The following MAGI2 variants were observed in gnomAD, a reference collection of about 807,000 sequenced individuals.
The protein encoded by MAGI2 is membrane associated guanylate kinase, WW and PDZ domain containing 2.
Under a neutral mutation model 133.3 loss-of-function variants are expected in MAGI2, and 35 were observed. The ratio of observed to expected loss-of-function variants is 0.26; its 90% CI spans 0.20 to 0.35. MAGI2 has a LOEUF of 0.35. Among genes scored for constraint, MAGI2 ranks in the 10% least tolerant of loss-of-function variants. The pLI, the probability that MAGI2 is intolerant of heterozygous loss-of-function variation, is 1.00. For synonymous variants in MAGI2, 729 were observed against 710.6 expected (o/e 1.03, Z -0.41); for missense variants, 1,636 against 1,863.4 (o/e 0.88, Z 2.25).
intron 3 of MAGI2, among the ~76,000 whole-genome samples, chr7:78,606,972 C>T (rs1225852904): frequency 6.6e-6 from 1 of 152,094 alleles, no homozygotes; most frequent in Non-Finnish European, 1.5e-5. Context: ...CTAAATGTAA[C>T]TCAAATTTTC....
chr7:79,263,728 AT>A (rs2129556635), intron 1 of MAGI2, among the ~76,000 whole-genome samples: 1 of 152,308 alleles, frequency 6.6e-6, no homozygotes, highest in Admixed American at 6.5e-5. Context: ...CCCAAGAAAA[AT>A]ATATGCTGCT....
At chr7:79,186,776 T>TATATATATAC (rs1554399274) in intron 1 of MAGI2, among the ~76,000 whole-genome samples, 2 of 98,168 alleles carry the variant, frequency 2.0e-5, no homozygotes, top group Admixed American at 2.3e-4. Flanking sequence ...TATATATATA[T>TATATATATAC]ACACACACAC....
intron 1 of MAGI2, among the ~76,000 whole-genome samples, chr7:79,230,362 G>A (rs911066723): frequency 6.6e-5 from 10 of 151,950 alleles, no homozygotes; most frequent in East Asian, 1.9e-4. Context: ...CTGAGGAATC[G>A]CCACACCGAC....
At chr7:78,512,822 G>C (rs1795719368) in intron 4 of MAGI2, among the ~76,000 whole-genome samples, 1 of 152,122 alleles carries the variant, frequency 6.6e-6, no homozygotes, top group African/African-American at 2.4e-5. Context: ...AGTACTAAAA[G>C]AACAATATGG....
rs139898827 is a variant in MAGI2, at chr7:78,636,904, A to T, written c.419-9665T>A. ...GTTAAAGCACAGATAGCTGGTTCTC[A>T]CTCCCCAGAGTCTCTGAGTCACCCT... On this transcript the variant is annotated intron_variant, in intron 2 of 21. Coordinates refer to ENST00000354212, the MANE Select transcript of MAGI2 (RefSeq NM_012301.4). Among the ~76,000 whole-genome samples, 784 of 152,234 alleles carry T rather than the reference A, an allele frequency of 5.1e-3. 4 individuals carry two copies. The highest frequency in any genetic ancestry group is 9.3e-3 in the Non-Finnish European group (635 of 67,998).
At chr7:79,034,669 C>T (rs935830097) in intron 1 of MAGI2, among the ~76,000 whole-genome samples, 1 of 152,048 alleles carries the variant, frequency 6.6e-6, no homozygotes, top group Admixed American at 6.6e-5. Flanking sequence ...AATCTTCACT[C>T]CCAGCTGCCT....
chr7:79,269,294 A>T (rs886748649), intron 1 of MAGI2, among the ~76,000 whole-genome samples: 1 of 152,148 alleles, frequency 6.6e-6, no homozygotes, highest in Non-Finnish European at 1.5e-5. Flanking sequence ...ATAAAAGAGC[A>T]ATAAGTAACA....
rs532301716 is a variant in MAGI2 at position 78,560,151 on chromosome 7, GAAGAA to G, written c.539-38511_539-38507del. On this transcript the variant is annotated intron_variant, in intron 3 of 21. Transcript: ENST00000354212. ...AAGTTGAGAAAAAATTTACTGAGAGGAAGAAAGGAAAATGAAGATCCACATTAATA... is the reference window on the plus strand; with the variant it reads ...AAGTTGAGAAAAAATTTACTGAGAGGAGGAAAATGAAGATCCACATTAATA... Among the ~76,000 whole-genome samples the G allele has an allele frequency of 2.3e-3, 349 of 152,218 alleles. 1 individual carries two copies. The highest frequency in any genetic ancestry group is 3.4e-3 in the Middle Eastern group (1 of 294).
At chr7:79,089,164 A>G (rs1438759517) in intron 1 of MAGI2, among the ~76,000 whole-genome samples, 2 of 152,190 alleles carry the variant, frequency 1.3e-5, no homozygotes, top group African/African-American at 2.4e-5. Context: ...GACACTTCTC[A>G]GAAGACGACA....
chr7:78,561,531 T>G (rs904030114), intron 3 of MAGI2, among the ~76,000 whole-genome samples: 8 of 152,004 alleles, frequency 5.3e-5, no homozygotes, highest in Non-Finnish European at 1.2e-4. Context: ...TAATTGTGGT[T>G]TTTGCAATTA....
chr7:78,781,380 CAA>C (rs748533885), intron 2 of MAGI2, among the ~76,000 whole-genome samples: 91 of 100,976 alleles, frequency 9.0e-4, no homozygotes, highest in Admixed American at 1.4e-3. Context: ...CTCCGTCTCA[CAA>C]AAAAAAAAAA....
At chr7:78,695,667 GACAA>G (rs576592594) in intron 2 of MAGI2, among the ~76,000 whole-genome samples, 48 of 152,176 alleles carry the variant, frequency 3.2e-4, no homozygotes, top group African/African-American at 7.2e-4. Flanking sequence ...ATTTAAAAAA[GACAA>G]ACAAACAAAA....
chr7:79,327,077 G>A (rs1326664672), intron 1 of MAGI2, among the ~76,000 whole-genome samples: 1 of 152,118 alleles, frequency 6.6e-6, no homozygotes, highest in East Asian at 1.9e-4. Context: ...TGCAGACTCT[G>A]GAGCCATACT....
intron 1 of MAGI2, among the ~76,000 whole-genome samples, chr7:79,329,527 A>G (rs763612464): frequency 2.6e-5 from 4 of 152,264 alleles, no homozygotes. Flanking sequence ...ACTATTGATT[A>G]TAAAGATGGC....
chr7:79,377,729 A>T (rs762810667), intron 1 of MAGI2, among the ~76,000 whole-genome samples: 2 of 151,848 alleles, frequency 1.3e-5, no homozygotes, highest in Non-Finnish European at 2.9e-5. Flanking sequence ...TGGAGGGAAC[A>T]ATTAGTGACA....
intron 1 of MAGI2, among the ~76,000 whole-genome samples, chr7:79,247,663 A>G (rs1832920203): frequency 6.6e-6 from 1 of 152,156 alleles, no homozygotes; most frequent in Admixed American, 6.5e-5. Flanking sequence ...TTTTAAAGAC[A>G]CAGTACAATA....
At chr7:79,109,588 C>T (rs188533737) in intron 1 of MAGI2, among the ~76,000 whole-genome samples, 139 of 152,278 alleles carry the variant, frequency 9.1e-4, no homozygotes, top group African/African-American at 3.2e-3. Context: ...TATATTTAAA[C>T]AGGAAGCAGA....
At chr7:78,279,045 G>C (rs1795309102) in intron 9 of MAGI2, among the ~76,000 whole-genome samples, 1 of 152,196 alleles carries the variant, frequency 6.6e-6, no homozygotes, top group South Asian at 2.1e-4. Flanking sequence ...ATATGTGACA[G>C]GGGATGTGGG....
chr7:78,395,643 A>G (rs1419828274), intron 6 of MAGI2, among the ~76,000 whole-genome samples: 1 of 152,238 alleles, frequency 6.6e-6, no homozygotes, highest in East Asian at 1.9e-4. Flanking sequence ...TACTTAATAT[A>G]ATTTCAACTT....
Sources: gnomAD v4.1 joint callset for allele counts (sites outside exome capture counted in the v4.1 genomes callset) on GRCh38, gnomAD v4.1.1 for gene constraint, MANE v1.5 for transcripts, NCBI Gene and HGNC (gene_info 2026-07-23, HGNC 2026-07-21) for gene names.